The following TENM2 variants were observed in gnomAD, a reference collection of about 807,000 sequenced individuals.
TENM2 encodes teneurin transmembrane protein 2, also known as teneurin-2.
A neutral mutation model predicts 245.2 loss-of-function variants in TENM2; 52 were observed. That is an observed-to-expected ratio of 0.21 (90% CI 0.17 to 0.27). The LOEUF (loss-of-function observed/expected upper bound fraction) is 0.27. Among genes scored for constraint, TENM2 ranks in the 10% least tolerant of loss-of-function variants. The pLI is 1.00. For synonymous variants in TENM2, 1,363 were observed against 1,438.9 expected (o/e 0.95, Z 1.19); for missense variants, 3,046 against 3,666.8 (o/e 0.83, Z 4.37).
chr5:167,320,946 C>CAA (rs34725566), intron 1 of TENM2, among the ~76,000 whole-genome samples: 3,508 of 150,370 alleles, frequency 0.023, 194 homozygotes, highest in East Asian at 0.22. Context: ...GACAAACAAA[C>CAA]AAAAAAAAAC....
At chr5:167,337,359 A>T (rs1581777561) in intron 1 of TENM2, among the ~76,000 whole-genome samples, 1 of 152,144 alleles carries the variant, frequency 6.6e-6, no homozygotes, top group African/African-American at 2.4e-5. Context: ...AGGCAGAACT[A>T]GTTTGTAATT....
chr5:167,517,689 T>C (rs1349820952), intron 2 of TENM2, among the ~76,000 whole-genome samples: 1 of 152,138 alleles, frequency 6.6e-6, no homozygotes, highest in Non-Finnish European at 1.5e-5. Flanking sequence ...CTGGGAACAT[T>C]TAAAAGCATA....
At chr5:168,190,200 G>C (rs1161872982) in intron 13 of TENM2, 137 bp from the exon 16 acceptor site, 2 of 609,532 alleles carry the variant, frequency 3.3e-6, no homozygotes, top group Non-Finnish European at 5.9e-6. Flanking sequence ...GAGGCTTGCT[G>C]TGTGAAACCT....
chr5:168,178,231 G>C (rs1759524097), intron 13 of TENM2, among the ~76,000 whole-genome samples: 1 of 152,208 alleles, frequency 6.6e-6, no homozygotes, highest in African/African-American at 2.4e-5. Flanking sequence ...CTGGCACCAG[G>C]CTGCCACCCC....
At position 168,218,326 on chromosome 5, in the gene TENM2, G is replaced by A; in HGVS notation, c.4435G>A (p.Ala1479Thr). The A allele has an allele frequency of 1.2e-6, 2 of 1,614,026 alleles. No individual in the cohort carries two copies. Among genetic ancestry groups the A allele is most frequent in the African/African-American group, 1.3e-5 (1 of 75,046 alleles). Residue 1479 changes from alanine to threonine, a missense_variant, in exon 23 of 29, where the codon GCC (alanine) becomes ACC (threonine). Physicochemically the swap from Ala to Thr is moderately conservative, Grantham distance 58. Around this residue, in one of 2 missense-constraint regions of TENM2, gnomAD observed 2,704 missense variants for 3,331.9 expected, o/e 0.81. Transcript: ENST00000518659. This position sits in a 1 kb window ranked among gnomAD's most constrained non-coding sequence, Gnocchi z 5.2. Reference sequence around the variant, plus strand: ...TCACTCTGCCCTGGAGTCAGCCAGTGCCATTGCCATTTCTCACACTGGGGT... The same window carrying A: ...TCACTCTGCCCTGGAGTCAGCCAGTACCATTGCCATTTCTCACACTGGGGT...
At chr5:167,740,153 C>T (rs115002578) in intron 2 of TENM2, among the ~76,000 whole-genome samples, 2,762 of 152,224 alleles carry the variant, frequency 0.018, 68 homozygotes, top group African/African-American at 0.06. Context: ...TTTCACTTAC[C>T]GCCCCTTTGC....
chr5:168,250,964 T>G (rs532908551), intron 27 of TENM2, among the ~76,000 whole-genome samples: 3 of 152,312 alleles, frequency 2.0e-5, no homozygotes, highest in South Asian at 2.1e-4. Context: ...ATGGAGGGGA[T>G]CACGGACGGC....
intron 2 of TENM2, among the ~76,000 whole-genome samples, chr5:167,443,792 C>T (rs1194753915): frequency 6.6e-6 from 1 of 151,912 alleles, no homozygotes; most frequent in Non-Finnish European, 1.5e-5. Flanking sequence ...ATAATGTCAC[C>T]TTTAACTTGA....
At chr5:167,416,019 T>C (rs1763151379) in intron 2 of TENM2, among the ~76,000 whole-genome samples, 1 of 152,186 alleles carries the variant, frequency 6.6e-6, no homozygotes. Flanking sequence ...GCCATGCAAT[T>C]TATAGTCATT....
At chr5:167,635,113 T>G (rs1489792101) in intron 2 of TENM2, among the ~76,000 whole-genome samples, 1 of 152,190 alleles carries the variant, frequency 6.6e-6, no homozygotes, top group Non-Finnish European at 1.5e-5. Context: ...ATTTATCACA[T>G]CCTTGTAAAA....
At chr5:167,180,316 T>A in the TENM2 span, among the ~76,000 whole-genome samples, 1 of 151,918 alleles carries the variant, frequency 6.6e-6, no homozygotes, top group Non-Finnish European at 1.5e-5. Context: ...TCCACGTTGG[T>A]CAGGCTGGTC....
the TENM2 span, among the ~76,000 whole-genome samples, chr5:167,165,766 T>C: frequency 6.6e-6 from 1 of 152,202 alleles, no homozygotes; most frequent in South Asian, 2.1e-4. Flanking sequence ...TCAGTGAAGA[T>C]AATAAGACAA....
chr5:167,356,217 A>AAAAAAGAAAAATT (rs1759321624), intron 1 of TENM2, among the ~76,000 whole-genome samples: 4 of 129,164 alleles, frequency 3.1e-5, no homozygotes, highest in African/African-American at 9.6e-5. Flanking sequence ...AAAAAAAAAA[A>AAAAAAGAAAAATT]AAAATTAAAA....
chr5:167,933,975 A>G (rs917854733), intron 3 of TENM2, among the ~76,000 whole-genome samples: 6 of 152,250 alleles, frequency 3.9e-5, no homozygotes, highest in Non-Finnish European at 8.8e-5. Flanking sequence ...GTGAAAATGA[A>G]TTTGACACAC....
intron 1 of TENM2, among the ~76,000 whole-genome samples, chr5:167,292,859 G>A (rs903774435): frequency 7.2e-5 from 11 of 152,196 alleles, no homozygotes; most frequent in Non-Finnish European, 1.5e-4. Flanking sequence ...CAGAAATTGT[G>A]GCATTCCTGC....
At chr5:166,995,002 C>T in the TENM2 span, among the ~76,000 whole-genome samples, 5 of 152,094 alleles carry the variant, frequency 3.3e-5, no homozygotes, top group East Asian at 1.9e-4. Context: ...AAAATAATAA[C>T]GACATTTTTC....
chr5:167,720,286 C>T (rs1759541269), intron 2 of TENM2, among the ~76,000 whole-genome samples: 3 of 151,998 alleles, frequency 2.0e-5, no homozygotes, highest in Admixed American at 1.3e-4. Flanking sequence ...AATAAACAAA[C>T]AGTTAAACAT....
chr5:167,488,741 C>T lies in TENM2; in HGVS notation c.502+113268C>T, dbSNP rs1278961244. On this transcript the variant is annotated intron_variant, in intron 2 of 28. Transcript: ENST00000518659. ...AGACTCAACTTTACATGAGATTTCC[C>T]TGATCTCCAGACTTAAATATTCAGC... Among the ~76,000 whole-genome samples, 4 of 151,986 alleles carry T rather than the reference C, an allele frequency of 2.6e-5. No individual in the cohort carries two copies. In the East Asian group the frequency reaches 7.7e-4, roughly 29 times the overall value.
chr5:167,699,676 T>C, intron 2 of TENM2, among the ~76,000 whole-genome samples: 1 of 152,216 alleles, frequency 6.6e-6, no homozygotes, highest in East Asian at 1.9e-4. Flanking sequence ...ATGGCCTGAC[T>C]TGCAGCTTAA....
Sources: allele counts gnomAD v4.1 joint callset (sites outside exome capture counted in the v4.1 genomes callset), GRCh38; gene constraint gnomAD v4.1.1; regional missense constraint gnomAD v4.1.1; non-coding constraint Gnocchi (gnomAD v3.1); transcripts MANE v1.5; gene names NCBI Gene and HGNC (gene_info 2026-07-23, HGNC 2026-07-21).